The following RIPOR2 variants were observed in gnomAD, a reference collection of about 807,000 sequenced individuals.
RIPOR2 encodes rho family-interacting cell polarization regulator 2.
RIPOR2 carries 39 observed loss-of-function variants against 114.5 expected under a neutral mutation model. That is an observed-to-expected ratio of 0.34 (90% CI 0.26 to 0.44). The LOEUF is 0.44. RIPOR2 is among the 20% of genes least tolerant of loss of function. The pLI, the probability that RIPOR2 is intolerant of heterozygous loss-of-function variation, is 1.00. For missense variants in RIPOR2, 1,007 were observed against 1,255.1 expected, an observed-to-expected ratio of 0.80 and a Z score of 2.99; for synonymous variants, 445 against 484.4, an observed-to-expected ratio of 0.92 and a Z score of 1.07.
intron 13 of RIPOR2, among the ~76,000 whole-genome samples, chr6:24,841,617 ATTT>A (rs11336541): frequency 9.4e-4 from 120 of 127,420 alleles, no homozygotes; most frequent in Admixed American, 1.0e-3. Flanking sequence ...CAATCACCAT[ATTT>A]TTTTTTTTTT....
At chr6:24,910,833 C>A (rs1769495057) in intron 1 of RIPOR2, 1 of 985,394 alleles carries the variant, frequency 1.0e-6, no homozygotes. Flanking sequence ...GACGACGGCT[C>A]CTTGTCATGT....
chr6:24,905,132 T>G (rs1768843859), intron 1 of RIPOR2, among the ~76,000 whole-genome samples: 1 of 152,140 alleles, frequency 6.6e-6, no homozygotes, highest in Non-Finnish European at 1.5e-5. Flanking sequence ...TGTTTTACAA[T>G]GTACTTTTCT....
intron 1 of RIPOR2, among the ~76,000 whole-genome samples, chr6:25,019,552 G>A (rs2113706824): frequency 6.6e-6 from 1 of 151,812 alleles, no homozygotes; most frequent in Non-Finnish European, 1.5e-5. Flanking sequence ...GGTGGATCAC[G>A]AGGTCAGGAG....
chr6:24,987,945 G>T (rs1774607826), intron 1 of RIPOR2, among the ~76,000 whole-genome samples: 1 of 152,162 alleles, frequency 6.6e-6, no homozygotes, highest in Non-Finnish European at 1.5e-5. Context: ...AAGGGGCCTT[G>T]CTACAAACTG....
At chr6:25,040,907 T>G (rs1304669847) in intron 1 of RIPOR2, among the ~76,000 whole-genome samples, 1 of 152,162 alleles carries the variant, frequency 6.6e-6, no homozygotes, top group Non-Finnish European at 1.5e-5. Context: ...TTTGAAAAAT[T>G]GGAAAATCCA....
At chr6:25,034,934 T>C (rs1777168917) in intron 1 of RIPOR2, among the ~76,000 whole-genome samples, 1 of 152,240 alleles carries the variant, frequency 6.6e-6, no homozygotes, top group South Asian at 2.1e-4. Context: ...ATTGGACATT[T>C]GGCAATTGTA....
At chr6:24,837,859 A>G (rs2113705972) in intron 14 of RIPOR2, among the ~76,000 whole-genome samples, 1 of 152,344 alleles carries the variant, frequency 6.6e-6, no homozygotes, top group South Asian at 2.1e-4. Context: ...AACAACAAAC[A>G]AAAACTAGCA....
chr6:24,891,481 A>C (rs968114451), intron 1 of RIPOR2, among the ~76,000 whole-genome samples: 3 of 151,794 alleles, frequency 2.0e-5, no homozygotes, highest in African/African-American at 7.3e-5. Flanking sequence ...TTCTTTGTCT[A>C]AAGGATTTGA....
chr6:24,821,165 G>A (rs529750931), intron 19 of RIPOR2, among the ~76,000 whole-genome samples: 3 of 147,314 alleles, frequency 2.0e-5, no homozygotes, highest in Non-Finnish European at 4.5e-5. Flanking sequence ...GAGCCACCGC[G>A]CCCAGCCAGT....
intron 1 of RIPOR2, among the ~76,000 whole-genome samples, chr6:25,040,952 G>A (rs1452515293): frequency 2.0e-5 from 3 of 152,148 alleles, no homozygotes; most frequent in Non-Finnish European, 2.9e-5. Context: ...GAAACAATCT[G>A]ATGGCATTGA....
intron 1 of RIPOR2, among the ~76,000 whole-genome samples, chr6:24,929,908 T>C (rs1209930710): frequency 6.6e-6 from 1 of 151,672 alleles, no homozygotes; most frequent in Non-Finnish European, 1.5e-5. Context: ...AGGCTGGCTT[T>C]ACAAAAAAAA....
chr6:24,938,750 C>T (rs941303326), upstream of RIPOR2, among the ~76,000 whole-genome samples: 1 of 152,130 alleles, frequency 6.6e-6, no homozygotes, highest in Non-Finnish European at 1.5e-5. Flanking sequence ...CTAATCATCT[C>T]AAAGAACAAA....
At chr6:24,942,301 G>A (rs1396220784) in intron 1 of RIPOR2, among the ~76,000 whole-genome samples, 1 of 152,102 alleles carries the variant, frequency 6.6e-6, no homozygotes, top group Non-Finnish European at 1.5e-5. Context: ...ATCAAGAAAT[G>A]TATTTTTAAA....
chr6:24,869,030 C>A, intron 6 of RIPOR2, 64 bp downstream of exon 6: 1 of 946,500 alleles, frequency 1.1e-6, no homozygotes. Context: ...ACGCTCAGCC[C>A]AAAGGTGTAT....
At chr6:24,954,828 C>T (rs1284945221) in intron 1 of RIPOR2, among the ~76,000 whole-genome samples, 1 of 152,102 alleles carries the variant, frequency 6.6e-6, no homozygotes, top group African/African-American at 2.4e-5. Flanking sequence ...TTCTCATTCC[C>T]AAGAGTCCTA....
chr6:24,994,379 A>G lies in RIPOR2; in HGVS notation c.76+47472T>C, dbSNP rs143167424. 4.2e-3 allele frequency among the ~76,000 whole-genome samples: 635 copies of G among 152,320 alleles called. 6 individuals are homozygous for G. Among genetic ancestry groups the G allele is most frequent in the Admixed American group, 5.2e-3 (80 of 15,300 alleles). ...AGGTCTGATCACGTTTCTTTGCAGC[A>G]TCTTAGAGTGTATCACAATATAGCA... On this transcript the variant is annotated intron_variant, in intron 1 of 13. Transcript: ENST00000510784.
intron 1 of RIPOR2, among the ~76,000 whole-genome samples, chr6:25,016,564 G>A (rs1776012913): frequency 6.6e-6 from 1 of 152,176 alleles, no homozygotes; most frequent in South Asian, 2.1e-4. Context: ...AAAATGAAAT[G>A]TTTGATCTTT....
At position 24,913,729 on chromosome 6, in the gene RIPOR2, C is replaced by T. The variant is rs116640353; in HGVS notation, c.61+22109G>A. On this transcript the variant is annotated intron_variant, in intron 1 of 21. Transcript: ENST00000643898. ...TTCTTGGGTAGTTAATTTCTGCTTG[C>T]GCCCATTCTCTCTCTTATAATGCTG... 5.8e-3 allele frequency among the ~76,000 whole-genome samples: 882 copies of T among 152,302 alleles called. 8 individuals are homozygous for T. The highest frequency in any genetic ancestry group is 0.019 in the African/African-American group (810 of 41,574).
chr6:24,904,553 G>A (rs1048742712), intron 1 of RIPOR2, among the ~76,000 whole-genome samples: 1 of 152,218 alleles, frequency 6.6e-6, no homozygotes, highest in Non-Finnish European at 1.5e-5. Flanking sequence ...CATGTAGGGC[G>A]ACATAGTCAC....
Sources: gnomAD v4.1 joint callset for allele counts (sites outside exome capture counted in the v4.1 genomes callset) on GRCh38, gnomAD v4.1.1 for gene constraint, MANE v1.5 for transcripts, NCBI Gene and HGNC (gene_info 2026-07-23, HGNC 2026-07-21) for gene names.